The following DGKG variants were observed in gnomAD, a reference collection of about 807,000 sequenced individuals.
DGKG encodes the protein diacylglycerol kinase gamma, also known as DAG kinase gamma.
A neutral mutation model predicts 105.3 loss-of-function variants in DGKG; 78 were observed. The observed-to-expected ratio is 0.74, with a 90% CI of 0.62 to 0.89. DGKG has a LOEUF of 0.89. Ranked by LOEUF, DGKG falls within the 40% of genes least tolerant of loss-of-function variation. The pLI is 0.00. For missense variants in DGKG, 958 were observed against 1,020.1 expected (o/e 0.94, Z 0.83); for synonymous variants, 346 against 367.1 (o/e 0.94, Z 0.66).
At chr3:186,187,862 T>G (rs1043292137) in intron 22 of DGKG, among the ~76,000 whole-genome samples, 1 of 151,952 alleles carries the variant, frequency 6.6e-6, no homozygotes, top group Non-Finnish European at 1.5e-5. Context: ...ATCAGCTGGG[T>G]CACATGCCAC....
chr3:186,265,165 T>C (rs1172947488), intron 14 of DGKG, 82 bp downstream of exon 14: 12 of 1,359,468 alleles, frequency 8.8e-6, no homozygotes, highest in Non-Finnish European at 1.3e-5. Flanking sequence ...GATGCTTTTC[T>C]GTAGAACCCA....
intron 17 of DGKG, 87 bp downstream of exon 17, chr3:186,257,767 A>G (rs1160995571): frequency 9.7e-7 from 1 of 1,030,444 alleles, no homozygotes; most frequent in Non-Finnish European, 1.5e-6. Context: ...ACATGGCTCC[A>G]TGTCTCTTTC....
At chr3:186,291,225 G>A (rs1283553920) in intron 5 of DGKG, among the ~76,000 whole-genome samples, 3 of 151,506 alleles carry the variant, frequency 2.0e-5, no homozygotes, top group African/African-American at 4.8e-5. Context: ...GGAATCCTAC[G>A]CAACCCTTTT....
chr3:186,278,251 C>T (rs991415162), intron 9 of DGKG, among the ~76,000 whole-genome samples: 1 of 151,584 alleles, frequency 6.6e-6, no homozygotes, highest in Non-Finnish European at 1.5e-5. Context: ...CATCTTTATT[C>T]CCTAAATGAG....
At chr3:186,336,769 GGAA>G (rs1373939208) in intron 1 of DGKG, among the ~76,000 whole-genome samples, 2 of 151,824 alleles carry the variant, frequency 1.3e-5, no homozygotes, top group Admixed American at 6.6e-5. Flanking sequence ...AGGAGGGAGA[GGAA>G]GAAGAAGAAC....
intron 3 of DGKG, among the ~76,000 whole-genome samples, chr3:186,306,431 A>C (rs1341292180): frequency 6.6e-6 from 1 of 151,590 alleles, no homozygotes; most frequent in Non-Finnish European, 1.5e-5. Flanking sequence ...GAGTCTGGGG[A>C]AGATATGTTG....
chr3:186,301,694 T>G (rs1334222616), intron 3 of DGKG, among the ~76,000 whole-genome samples: 1 of 152,250 alleles, frequency 6.6e-6, no homozygotes, highest in African/African-American at 2.4e-5. Flanking sequence ...GAGGTACTAC[T>G]GTGTTCTTAC....
At chr3:186,343,649 C>G (rs1184836111) in intron 1 of DGKG, among the ~76,000 whole-genome samples, 1 of 152,136 alleles carries the variant, frequency 6.6e-6, no homozygotes, top group Admixed American at 6.5e-5. Context: ...ACAGCGTGAG[C>G]ATGATACTAG....
At chr3:186,266,359 C>T (rs963211713) in intron 13 of DGKG, among the ~76,000 whole-genome samples, 1 of 152,146 alleles carries the variant, frequency 6.6e-6, no homozygotes, top group Non-Finnish European at 1.5e-5. Context: ...TGCCAGATGC[C>T]GATATGCCTC....
At chr3:186,202,131 G>A (rs1718497746) in intron 21 of DGKG, among the ~76,000 whole-genome samples, 1 of 152,202 alleles carries the variant, frequency 6.6e-6, no homozygotes, top group African/African-American at 2.4e-5. Context: ...ATGCAGAGCT[G>A]TTATAAAGAT....
In DGKG at chr3:186,226,463, G is replaced by A. The variant is rs1224547124; in HGVS notation, c.1827-14578C>T. 3.3e-5 allele frequency among the ~76,000 whole-genome samples: 5 copies of A among 149,940 alleles called. No individual in the cohort carries two copies. The highest frequency in any genetic ancestry group is 5.9e-5 in the Non-Finnish European group (4 of 67,652). ...ACAGAAACCGTGATTATGAGCAGCCGCTTCCCCTCTCCCCACCCAAGTTCA... is the reference window on the plus strand; with the variant it reads ...ACAGAAACCGTGATTATGAGCAGCCACTTCCCCTCTCCCCACCCAAGTTCA... On this transcript the variant is annotated intron_variant, in intron 20 of 24. Coordinates refer to ENST00000265022, the MANE Select transcript of DGKG (RefSeq NM_001346.3). The surrounding 1 kb of genome is among the most constrained non-coding windows in gnomAD (Gnocchi z 4.2).
At chr3:186,153,803 C>T (rs1409561988) in intron 24 of DGKG, among the ~76,000 whole-genome samples, 1 of 152,118 alleles carries the variant, frequency 6.6e-6, no homozygotes, top group African/African-American at 2.4e-5. Context: ...CTTCCCAAAC[C>T]ATTTGAAAGG....
intron 22 of DGKG, 99 bp from the exon 23 acceptor site, chr3:186,165,117 T>A (rs1716476876): frequency 7.8e-7 from 1 of 1,276,588 alleles, no homozygotes; most frequent in African/African-American, 1.5e-5. Context: ...AATGTCTGTA[T>A]CCCTTCATCT....
At chr3:186,293,869 G>A (rs1723422584) in intron 5 of DGKG, among the ~76,000 whole-genome samples, 1 of 152,182 alleles carries the variant, frequency 6.6e-6, no homozygotes, top group South Asian at 2.1e-4. Flanking sequence ...TATAATTCTT[G>A]TTTCTGGTGA....
At chr3:186,242,622 T>C (rs1720742687) in intron 19 of DGKG, 54 bp from the exon 20 acceptor site, 2 of 1,516,858 alleles carry the variant, frequency 1.3e-6, no homozygotes, top group Non-Finnish European at 1.8e-6. Flanking sequence ...GACAGTGCAG[T>C]GCGGAGGGAA....
intron 5 of DGKG, among the ~76,000 whole-genome samples, chr3:186,296,618 G>A (rs1723575859): frequency 6.6e-6 from 1 of 152,198 alleles, no homozygotes; most frequent in South Asian, 2.1e-4. Context: ...CAGCAGCTCC[G>A]CTGAGAGTGC....
Position 186,149,743 on chromosome 3 carries a change from G to A in DGKG, c.*347C>T. 1 of 1,041,408 alleles carries A rather than the reference G, an allele frequency of 9.6e-7. No individual in the cohort carries two copies. Among genetic ancestry groups the A allele is most frequent in the Non-Finnish European group, 1.2e-6 (1 of 864,324 alleles). 64.5% of individuals were successfully genotyped at this position (1,041,408 alleles called of 1,614,324 possible). ...GCGAGCGTCCATGAGGAAACTTGCA[G>A]GGCTGGTAGAAAGAAAGGGGGATTT... On this transcript the variant is annotated 3_prime_UTR_variant, in exon 25 of 25. Transcript: ENST00000265022.
chr3:186,222,643 G>A (rs1175403865), intron 20 of DGKG, among the ~76,000 whole-genome samples: 1 of 151,762 alleles, frequency 6.6e-6, no homozygotes, highest in African/African-American at 2.4e-5. Context: ...AGGAGTTTGA[G>A]ACCAGCCTGG....
At chr3:186,302,557 T>C (rs28385903) in intron 3 of DGKG, among the ~76,000 whole-genome samples, 1,155 of 29,078 alleles carry the variant, frequency 0.04, 27 homozygotes, top group African/African-American at 0.11. Flanking sequence ...TATATATATA[T>C]ACACATATGT....
Sources: allele counts gnomAD v4.1 joint callset (sites outside exome capture counted in the v4.1 genomes callset), GRCh38; gene constraint gnomAD v4.1.1; non-coding constraint Gnocchi (gnomAD v3.1); transcripts MANE v1.5; gene names NCBI Gene and HGNC (gene_info 2026-07-23, HGNC 2026-07-21).